TLCD4: variants seen among roughly 807,000 people sequenced by gnomAD.
TLCD4 encodes the protein TLC domain-containing protein 4.
Under a neutral mutation model 24.2 loss-of-function variants are expected in TLCD4, and 7 were observed. That is an observed-to-expected ratio of 0.29 (90% confidence interval 0.16 to 0.54). The LOEUF (loss-of-function observed/expected upper bound fraction) is 0.54, where lower values mean the gene tolerates loss of function less well. Ranked by LOEUF, TLCD4 falls within the 20% of genes least tolerant of loss-of-function variation. The pLI is 0.95. For missense variants in TLCD4, 259 were observed against 313.9 expected (o/e 0.82, Z 1.32); for synonymous variants, 103 against 106.4 (o/e 0.97, Z 0.20).
At chr1:95,110,643 C>T in the TLCD4 span, among the ~76,000 whole-genome samples, 10 of 152,060 alleles carry the variant, frequency 6.6e-5, no homozygotes, top group African/African-American at 2.4e-4. Context: ...AATCCCAGCA[C>T]TTTGGGAGGC....
chr1:95,150,076 T>G, intron 3 of TLCD4, 132 bp from the exon 4 acceptor site: 1 of 1,273,754 alleles, frequency 7.9e-7, no homozygotes, highest in Non-Finnish European at 1.1e-6. Context: ...TGCAATTTTA[T>G]TTGAAGATGA....
intron 5 of TLCD4, among the ~76,000 whole-genome samples, chr1:95,168,012 A>T (rs1340784845): frequency 6.6e-6 from 1 of 152,106 alleles, no homozygotes; most frequent in East Asian, 1.9e-4. Flanking sequence ...TGTTGGGACC[A>T]TCACCCCAAC....
chr1:95,174,562 C>T (rs1571772902), intron 6 of TLCD4, among the ~76,000 whole-genome samples: 6 of 151,112 alleles, frequency 4.0e-5, no homozygotes, highest in African/African-American at 1.5e-4. Flanking sequence ...ATGGTGCTTG[C>T]CTGTAGTTCT....
chr1:95,140,334 T>C (rs1677163411), intron 1 of TLCD4, among the ~76,000 whole-genome samples: 1 of 152,208 alleles, frequency 6.6e-6, no homozygotes, highest in Non-Finnish European at 1.5e-5. Flanking sequence ...TTATGATGGC[T>C]ACAGCGTCTC....
chr1:95,099,965 C>T, the TLCD4 span, among the ~76,000 whole-genome samples: 1 of 151,636 alleles, frequency 6.6e-6, no homozygotes, highest in South Asian at 2.1e-4. Flanking sequence ...AACCCCCCCT[C>T]TACTAAAAAC....
At chr1:95,166,490 A>AG (rs1293956118) in intron 5 of TLCD4, among the ~76,000 whole-genome samples, 1 of 152,096 alleles carries the variant, frequency 6.6e-6, no homozygotes, top group Non-Finnish European at 1.5e-5. Context: ...CTACTTTTGG[A>AG]GGGTGATTTG....
At chr1:95,104,508 C>T in the TLCD4 span, among the ~76,000 whole-genome samples, 3 of 150,946 alleles carry the variant, frequency 2.0e-5, no homozygotes, top group African/African-American at 7.3e-5. Flanking sequence ...ACTAAAAATA[C>T]AAAAAAATTA....
chr1:95,179,574 C>T (rs1296748857), intron 6 of TLCD4, among the ~76,000 whole-genome samples: 1 of 152,198 alleles, frequency 6.6e-6, no homozygotes, highest in African/African-American at 2.4e-5. Context: ...GTCTCCTATC[C>T]TGTTCCCCTT....
chr1:95,122,614 T>TC (rs2100902259), intron 1 of TLCD4, among the ~76,000 whole-genome samples: 1 of 152,216 alleles, frequency 6.6e-6, no homozygotes, highest in East Asian at 1.9e-4. Context: ...TCTCCCCCTA[T>TC]CCCCCACCAA....
chr1:95,156,146 A>G (rs1462352041), intron 5 of TLCD4, among the ~76,000 whole-genome samples: 2 of 151,908 alleles, frequency 1.3e-5, no homozygotes, highest in Non-Finnish European at 2.9e-5. Context: ...CAGTTTATAT[A>G]AGTTTTACAT....
chr1:95,103,444 C>T, the TLCD4 span, among the ~76,000 whole-genome samples: 5 of 152,118 alleles, frequency 3.3e-5, no homozygotes, highest in African/African-American at 1.2e-4. Context: ...TGGGGAGAAT[C>T]GTGAAATGTT....
chr1:95,188,803 T>G (rs942018171), intron 6 of TLCD4, among the ~76,000 whole-genome samples: 2 of 152,120 alleles, frequency 1.3e-5, no homozygotes, highest in African/African-American at 4.8e-5. Flanking sequence ...GTATTCTCTG[T>G]TCCCAGCCCT....
At chr1:95,117,046 G>A (rs1208044520), upstream of TLCD4, among the ~76,000 whole-genome samples, 1 of 152,224 alleles carries the variant, frequency 6.6e-6, no homozygotes, top group African/African-American at 2.4e-5. Flanking sequence ...AATTTAAGAA[G>A]ATTTTTTGTT....
At chr1:95,115,067 C>T (rs1184244627), upstream of TLCD4, among the ~76,000 whole-genome samples, 1 of 145,700 alleles carries the variant, frequency 6.9e-6, no homozygotes, top group Non-Finnish European at 1.5e-5. Context: ...ATTTAATGAA[C>T]TGGATATATA....
chr1:95,094,884 C>G, the TLCD4 span, among the ~76,000 whole-genome samples: 1 of 152,240 alleles, frequency 6.6e-6, no homozygotes, highest in East Asian at 1.9e-4. Flanking sequence ...AATAATTTAA[C>G]TTCACCCACA....
the TLCD4 span, among the ~76,000 whole-genome samples, chr1:95,105,908 A>AG: frequency 6.7e-6 from 1 of 150,302 alleles, no homozygotes; most frequent in African/African-American, 2.4e-5. Flanking sequence ...AAAAAAAAAA[A>AG]AAAAGAAAAG....
chr1:95,125,008 T>C (rs577767615), intron 1 of TLCD4, among the ~76,000 whole-genome samples: 4 of 152,190 alleles, frequency 2.6e-5, no homozygotes, highest in African/African-American at 9.7e-5. Context: ...GGTTATACAG[T>C]GTGAGAATGT....
chr1:95,159,708 T>G (rs111628334), intron 5 of TLCD4, among the ~76,000 whole-genome samples: 100 of 152,350 alleles, frequency 6.6e-4, no homozygotes, highest in African/African-American at 2.1e-3. Flanking sequence ...GGATGCAGTT[T>G]CAGCTTTCTA....
the TLCD4 span, among the ~76,000 whole-genome samples, chr1:95,100,874 C>T: frequency 6.6e-6 from 1 of 150,708 alleles, no homozygotes; most frequent in African/African-American, 2.4e-5. Flanking sequence ...CCAATTCTGA[C>T]TTCAAGGCCC....
Sources: allele counts gnomAD v4.1 joint callset (sites outside exome capture counted in the v4.1 genomes callset), GRCh38; gene constraint gnomAD v4.1.1; transcripts MANE v1.5; gene names NCBI Gene and HGNC (gene_info 2026-07-23, HGNC 2026-07-21).